The following UBE2K variants were observed in gnomAD, a reference collection of about 807,000 sequenced individuals.
UBE2K encodes ubiquitin-conjugating enzyme E2 K.
In UBE2K, 6 loss-of-function variants were observed where a neutral mutation model predicts 30.0. That is an observed-to-expected ratio of 0.20 (90% CI 0.11 to 0.39). The LOEUF (loss-of-function observed/expected upper bound fraction) is 0.39, where lower values mean the gene tolerates loss of function less well. Among genes scored for constraint, UBE2K ranks in the 10% least tolerant of loss-of-function variants. The pLI is 1.00. For synonymous variants in UBE2K, 86 were observed against 83.7 expected (o/e 1.03, Z -0.15); for missense variants, 61 against 241.6 (o/e 0.25, Z 4.96).
At position 39,775,922 on chromosome 4, in the gene UBE2K, T is replaced by C. The variant is rs78010657; in HGVS notation, c.399+989T>C. ...CCACAATTATTTCCCTTCTTACTCG[T>C]CTTTCTTAAATGTAGTTCCTCAGTT... On this transcript the variant is annotated intron_variant, in intron 5 of 6. Coordinates refer to ENST00000261427, the MANE Select transcript of UBE2K (RefSeq NM_005339.5). Among the ~76,000 whole-genome samples, 213 of 152,288 alleles carry C rather than the reference T, an allele frequency of 1.4e-3. 4 individuals carry two copies. In the East Asian group the frequency reaches 0.038, roughly 27 times the overall value.
chr4:39,711,590 A>G (rs952137954), intron 1 of UBE2K, among the ~76,000 whole-genome samples: 6 of 152,032 alleles, frequency 3.9e-5, no homozygotes, highest in Admixed American at 1.3e-4. Flanking sequence ...CTTTTAGATA[A>G]AAGGATGTAC....
chr4:39,743,265 A>G (rs982218418), intron 2 of UBE2K, among the ~76,000 whole-genome samples: 2 of 152,112 alleles, frequency 1.3e-5, no homozygotes, highest in Non-Finnish European at 2.9e-5. Flanking sequence ...CCTAGCACAC[A>G]GTTTTTTATT....
intron 4 of UBE2K, among the ~76,000 whole-genome samples, chr4:39,766,688 G>A (rs1420081504): frequency 6.6e-6 from 1 of 152,028 alleles, no homozygotes; most frequent in Non-Finnish European, 1.5e-5. Flanking sequence ...TGGGACTACA[G>A]GTGTGTGCCA....
chr4:39,740,096 T>C (rs1720611361), intron 2 of UBE2K, among the ~76,000 whole-genome samples: 1 of 152,092 alleles, frequency 6.6e-6, no homozygotes, highest in Admixed American at 6.6e-5. Context: ...AAAAATCAGA[T>C]GCTTGTCCTA....
At chr4:39,706,841 A>AT (rs1433291520) in intron 1 of UBE2K, among the ~76,000 whole-genome samples, 5 of 152,046 alleles carry the variant, frequency 3.3e-5, no homozygotes, top group East Asian at 1.9e-4. Context: ...CAAAGGATAG[A>AT]TAAAAATGGG....
At chr4:39,710,490 G>T (rs1718608564) in intron 1 of UBE2K, among the ~76,000 whole-genome samples, 1 of 151,810 alleles carries the variant, frequency 6.6e-6, no homozygotes, top group Non-Finnish European at 1.5e-5. Context: ...GCTGGTGTCA[G>T]ACTCCTGGGC....
At chr4:39,724,769 CAAAA>C (rs781226641) in intron 1 of UBE2K, among the ~76,000 whole-genome samples, 2 of 97,316 alleles carry the variant, frequency 2.1e-5, no homozygotes, top group Admixed American at 1.1e-4. Context: ...GACCCTGTTT[CAAAA>C]AAAAAAAAAA....
At chr4:39,745,614 T>A in intron 2 of UBE2K, 138 bp from the exon 3 acceptor site, 2 of 632,686 alleles carry the variant, frequency 3.2e-6, no homozygotes, top group South Asian at 4.5e-5. Context: ...TTTTGATTAC[T>A]TTCTTTCTGG....
At chr4:39,768,317 C>CA (rs1164248162) in intron 4 of UBE2K, among the ~76,000 whole-genome samples, 1 of 147,962 alleles carries the variant, frequency 6.8e-6, no homozygotes, top group African/African-American at 2.5e-5. Context: ...TGGTAGCAGG[C>CA]GCCTGTAATC....
intron 1 of UBE2K, among the ~76,000 whole-genome samples, chr4:39,711,907 G>A (rs543814647): frequency 3.0e-4 from 45 of 151,738 alleles, no homozygotes; most frequent in Middle Eastern, 3.4e-3. Context: ...CAGGCATGGT[G>A]GTGCATGCCT....
At chr4:39,773,409 G>A (rs542748216) in intron 4 of UBE2K, among the ~76,000 whole-genome samples, 12 of 151,728 alleles carry the variant, frequency 7.9e-5, no homozygotes, top group East Asian at 5.9e-4. Context: ...TGGAGGTTCC[G>A]GTGAGCCGAG....
At chr4:39,770,034 C>G in intron 4 of UBE2K, 3 of 1,469,956 alleles carry the variant, frequency 2.0e-6, no homozygotes, top group Admixed American at 4.3e-5. Flanking sequence ...AGCCCTTTCC[C>G]CACCTAGCCC....
At chr4:39,735,931 T>C (rs771793692) in intron 1 of UBE2K, among the ~76,000 whole-genome samples, 9 of 152,156 alleles carry the variant, frequency 5.9e-5, no homozygotes, top group Non-Finnish European at 1.3e-4. Flanking sequence ...TTGAAAAATA[T>C]GGGTTTTAAG....
rs190619555 is a variant in UBE2K at position 39,769,840 on chromosome 4, C to T, written c.300-4994C>T. Reference sequence around the variant, plus strand: ...AGAAGGAAATCTTTCTCTGGGACCCCGTATTCCCCTGGCCTACTCCAAGAA... The same window carrying T: ...AGAAGGAAATCTTTCTCTGGGACCCTGTATTCCCCTGGCCTACTCCAAGAA... On this transcript the variant is annotated intron_variant, in intron 4 of 6. Transcript: ENST00000261427. Among the ~76,000 whole-genome samples the T allele has an allele frequency of 3.9e-3, 587 of 152,234 alleles. 1 individual carries two copies. The highest frequency in any genetic ancestry group is 6.1e-3 in the Non-Finnish European group (416 of 68,022).
At chr4:39,717,260 C>T (rs2109321516) in intron 1 of UBE2K, among the ~76,000 whole-genome samples, 1 of 147,982 alleles carries the variant, frequency 6.8e-6, no homozygotes, top group Middle Eastern at 3.6e-3. Flanking sequence ...TTAAGATGGA[C>T]TCTCGCTATA....
At chr4:39,723,655 A>G (rs983572096) in intron 1 of UBE2K, among the ~76,000 whole-genome samples, 2 of 152,190 alleles carry the variant, frequency 1.3e-5, no homozygotes, top group Admixed American at 6.5e-5. Context: ...GGCGTGAGCC[A>G]CTGCACGTGG....
intron 1 of UBE2K, among the ~76,000 whole-genome samples, chr4:39,705,268 A>G (rs60180651): frequency 0.16 from 18,739 of 118,042 alleles, 1,369 homozygotes; most frequent in East Asian, 0.26. Context: ...CACGATCTCA[A>G]CTCACCACAG....
At chr4:39,700,906 C>T (rs1717970963) in intron 1 of UBE2K, among the ~76,000 whole-genome samples, 1 of 71,834 alleles carries the variant, frequency 1.4e-5, no homozygotes, top group South Asian at 6.3e-4. Flanking sequence ...AAGCAAGGTG[C>T]AGAATAGTGT....
At chr4:39,720,829 G>C (rs887267713) in intron 1 of UBE2K, among the ~76,000 whole-genome samples, 10 of 151,756 alleles carry the variant, frequency 6.6e-5, no homozygotes, top group African/African-American at 2.4e-4. Flanking sequence ...CTGTAACCCT[G>C]AACTCCAGGG....
Sources: allele counts gnomAD v4.1 joint callset (sites outside exome capture counted in the v4.1 genomes callset), GRCh38; gene constraint gnomAD v4.1.1; transcripts MANE v1.5; gene names NCBI Gene and HGNC (gene_info 2026-07-23, HGNC 2026-07-21).